SIK3: variants seen among roughly 807,000 people sequenced by gnomAD.
SIK3 encodes the protein SIK family kinase 3, also known as serine/threonine-protein kinase SIK3.
SIK3 carries 28 observed loss-of-function variants against 144.2 expected under a neutral mutation model. That is an observed-to-expected ratio of 0.19 (90% CI 0.14 to 0.27). The LOEUF is 0.27. SIK3 is among the 10% of genes least tolerant of loss of function. The probability of loss-of-function intolerance (pLI) is 1.00; values close to 1 mark genes in which losing one functional copy is unlikely to be tolerated. For missense variants in SIK3, 1,319 were observed against 1,776.0 expected (o/e 0.74, Z 4.62); for synonymous variants, 686 against 676.3 (o/e 1.01, Z -0.22).
At chr11:116,886,720 G>T (rs1190256915) in intron 6 of SIK3, among the ~76,000 whole-genome samples, 1 of 151,506 alleles carries the variant, frequency 6.6e-6, no homozygotes, top group Non-Finnish European at 1.5e-5. Flanking sequence ...TACAACAGGG[G>T]AATAGGGTAA....
At chr11:117,063,470 A>C (rs1358095164) in intron 1 of SIK3, among the ~76,000 whole-genome samples, 1 of 152,116 alleles carries the variant, frequency 6.6e-6, no homozygotes, top group South Asian at 2.1e-4. Flanking sequence ...CGTAGAACCT[A>C]GTTTCCCTTT....
chr11:116,897,673 G>A (rs930334494), intron 4 of SIK3, among the ~76,000 whole-genome samples: 1 of 152,118 alleles, frequency 6.6e-6, no homozygotes, highest in Non-Finnish European at 1.5e-5. Flanking sequence ...GGCGGATCAC[G>A]AGGTCAGGAG....
At chr11:117,088,181 G>A (rs1027886478) in intron 1 of SIK3, among the ~76,000 whole-genome samples, 10 of 152,188 alleles carry the variant, frequency 6.6e-5, no homozygotes, top group Non-Finnish European at 1.3e-4. Context: ...AGGCTGCAGA[G>A]AGCCATGATC....
chr11:117,093,961 G>T (rs532563428), intron 1 of SIK3, among the ~76,000 whole-genome samples: 1 of 152,088 alleles, frequency 6.6e-6, no homozygotes, highest in African/African-American at 2.4e-5. Flanking sequence ...ATCTGATAAC[G>T]ATGATGATGA....
rs1467734774 is a variant in SIK3, at chr11:116,855,103, A to C, written c.3655+2707T>G. 3.2e-5 allele frequency among the ~76,000 whole-genome samples: 4 copies of C among 126,484 alleles called. No individual in the cohort carries two copies. The East Asian group carries it at 6.4e-4, about 20-fold the overall frequency. The allele number at this position is 126,484 out of a possible 152,430, so 83.0% of individuals were successfully genotyped here. A position where few individuals can be genotyped will look rare whatever the true frequency, so the allele number is the denominator to read the frequency against. On this transcript the variant is annotated intron_variant, in intron 21 of 24. Coordinates refer to ENST00000445177, the MANE Select transcript of SIK3 (RefSeq NM_001366686.3). ...TCTGCCAAAAAAAAAAAAAAAAAAA[A>C]AAAAAACTTGAGTTTTTTTCACAGT...
intron 1 of SIK3, among the ~76,000 whole-genome samples, chr11:117,058,589 T>A (rs1251380631): frequency 6.6e-6 from 1 of 152,156 alleles, no homozygotes; most frequent in African/African-American, 2.4e-5. Flanking sequence ...CATAATAGAT[T>A]TGTTGTTTTC....
At chr11:116,883,672 G>A (rs944441517) in intron 6 of SIK3, among the ~76,000 whole-genome samples, 2 of 152,150 alleles carry the variant, frequency 1.3e-5, no homozygotes, top group African/African-American at 2.4e-5. Context: ...GGTGGCTCAC[G>A]CCTATAATCC....
At chr11:117,071,885 C>G (rs1267925234) in intron 1 of SIK3, among the ~76,000 whole-genome samples, 4 of 148,178 alleles carry the variant, frequency 2.7e-5, no homozygotes, top group African/African-American at 1.0e-4. Flanking sequence ...TTCCAAAGTA[C>G]CGGGATTACA....
chr11:116,968,830 T>C (rs1724508038), intron 1 of SIK3, among the ~76,000 whole-genome samples: 1 of 152,204 alleles, frequency 6.6e-6, no homozygotes, highest in South Asian at 2.1e-4. Flanking sequence ...TGTGGGTTTT[T>C]AAAAATCATT....
chr11:117,090,971 C>T (rs1939009590), intron 1 of SIK3, among the ~76,000 whole-genome samples: 2 of 152,124 alleles, frequency 1.3e-5, no homozygotes, highest in Non-Finnish European at 1.5e-5. Flanking sequence ...CTCGCTTCCC[C>T]AGTAAAAAAG....
chr11:117,048,426 G>A (rs1319451451), intron 1 of SIK3, among the ~76,000 whole-genome samples: 2 of 152,160 alleles, frequency 1.3e-5, no homozygotes, highest in Non-Finnish European at 2.9e-5. Context: ...GGAAGCCGAG[G>A]TGGGCCGATC....
intron 22 of SIK3, among the ~76,000 whole-genome samples, chr11:116,847,825 G>A (rs1161597364): frequency 6.6e-6 from 1 of 152,164 alleles, no homozygotes; most frequent in South Asian, 2.1e-4. Context: ...AGGGTGGGGC[G>A]GATGTGGCAA....
In SIK3 at chr11:116,858,440, T is replaced by C. The variant is rs1943104991; in HGVS notation, c.3025A>G (p.Arg1009Gly). 1.2e-6 allele frequency: 2 copies of C among 1,607,848 alleles called. No homozygotes were observed. The highest frequency in any genetic ancestry group is 1.3e-5 in the African/African-American group (1 of 74,964). ...AGGATGTGGGGTACCTGCTGGTGTCTTGTATAGTCTGGCGGCGTGGGAGAC... is the reference window on the plus strand; with the variant it reads ...AGGATGTGGGGTACCTGCTGGTGTCCTGTATAGTCTGGCGGCGTGGGAGAC... ...LLSPTPPDYT[R>G]HQQVPHILQG... Residue 1009 changes from arginine (R) to glycine (G), a missense_variant, in exon 21 of 25, where the codon AGA (arginine) becomes GGA (glycine). Arg to Gly is a moderately radical substitution (Grantham distance 125). Coordinates refer to ENST00000445177, the MANE Select transcript of SIK3 (RefSeq NM_001366686.3). This position sits in a 1 kb window ranked among gnomAD's most constrained non-coding sequence, Gnocchi z 5.4.
At chr11:116,854,208 A>G (rs1321325361) in intron 21 of SIK3, among the ~76,000 whole-genome samples, 1 of 152,074 alleles carries the variant, frequency 6.6e-6, no homozygotes, top group Non-Finnish European at 1.5e-5. Flanking sequence ...AAAGGAAAAA[A>G]AAAATTAGCT....
chr11:117,090,105 G>A (rs1955177583), intron 1 of SIK3, among the ~76,000 whole-genome samples: 1 of 152,182 alleles, frequency 6.6e-6, no homozygotes, highest in Non-Finnish European at 1.5e-5. Flanking sequence ...ACTTCTCAAG[G>A]ACATTGCCTA....
intron 1 of SIK3, among the ~76,000 whole-genome samples, chr11:117,049,913 T>C (rs1953148775): frequency 6.6e-6 from 1 of 151,944 alleles, no homozygotes; most frequent in Non-Finnish European, 1.5e-5. Flanking sequence ...TGAGCTAGCA[T>C]CACAGCACTG....
intron 3 of SIK3, among the ~76,000 whole-genome samples, chr11:116,943,286 G>A (rs942495194): frequency 6.6e-6 from 1 of 152,160 alleles, no homozygotes. Flanking sequence ...TTCACAGGGG[G>A]AATAACATTT....
At chr11:117,000,028 TTTGA>T (rs1950796168) in intron 1 of SIK3, among the ~76,000 whole-genome samples, 2 of 152,348 alleles carry the variant, frequency 1.3e-5, no homozygotes, top group East Asian at 1.9e-4. Flanking sequence ...TTGCCATTTG[TTTGA>T]TTGTGCATGA....
intron 1 of SIK3, among the ~76,000 whole-genome samples, chr11:117,057,235 A>G (rs7124872): frequency 0.37 from 56,713 of 152,140 alleles, 12,922 homozygotes; most frequent in African/African-American, 0.65. Flanking sequence ...ACCTGGAAGT[A>G]TAAAACGTTA....
Sources: allele counts gnomAD v4.1 joint callset (sites outside exome capture counted in the v4.1 genomes callset), GRCh38; gene constraint gnomAD v4.1.1; non-coding constraint Gnocchi (gnomAD v3.1); transcripts MANE v1.5; gene names NCBI Gene and HGNC (gene_info 2026-07-23, HGNC 2026-07-21).